RORA: variants seen among roughly 807,000 people sequenced by gnomAD.
The protein encoded by RORA is nuclear receptor ROR-alpha.
In RORA, 7 loss-of-function variants were observed where a neutral mutation model predicts 69.5. The ratio of observed to expected loss-of-function variants is 0.10; its 90% confidence interval spans 0.06 to 0.19. The LOEUF (loss-of-function observed/expected upper bound fraction) is 0.19, where lower values mean the gene tolerates loss of function less well. Among genes scored for constraint, RORA ranks in the 10% least tolerant of loss-of-function variants. The pLI is 1.00. For synonymous variants in RORA, 261 were observed against 240.8 expected (o/e 1.08, Z -0.78); for missense variants, 457 against 663.0 (o/e 0.69, Z 3.41).
At chr15:60,949,209 T>C (rs1014432733) in intron 1 of RORA, among the ~76,000 whole-genome samples, 1 of 152,100 alleles carries the variant, frequency 6.6e-6, no homozygotes, top group African/African-American at 2.4e-5. Flanking sequence ...GCTCACAGCC[T>C]AACGTGTTGA....
intron 1 of RORA, among the ~76,000 whole-genome samples, chr15:60,918,279 A>G (rs1891939497): frequency 6.6e-6 from 1 of 152,240 alleles, no homozygotes; most frequent in South Asian, 2.1e-4. Context: ...CAATGCCTTC[A>G]CTAAAGCCTT....
In RORA at chr15:60,878,109, G is replaced by A. The variant is rs145064329; in HGVS notation, c.167-199423C>T. 4.1e-3 allele frequency among the ~76,000 whole-genome samples: 616 copies of A among 148,926 alleles called. 4 individuals carry two copies. The highest frequency in any genetic ancestry group is 0.015 in the African/African-American group (593 of 40,464). ...TGGGAAGCCGAGGTGGGCGGATCAC[G>A]AGGTCAGGAGATCGATGCCATCCTG... On this transcript the variant is annotated intron_variant, in intron 1 of 10. Transcript: ENST00000335670.
chr15:60,989,664 C>T (rs762120616), intron 1 of RORA, among the ~76,000 whole-genome samples: 27 of 152,204 alleles, frequency 1.8e-4, no homozygotes, highest in Non-Finnish European at 3.1e-4. Flanking sequence ...GTGGTAGAGT[C>T]AGGATTGGAA....
At chr15:61,071,951 A>C (rs1484043842) in intron 1 of RORA, among the ~76,000 whole-genome samples, 1 of 152,070 alleles carries the variant, frequency 6.6e-6, no homozygotes, top group Non-Finnish European at 1.5e-5. Context: ...GAGGATACTC[A>C]AAGACAGGAC....
intron 1 of RORA, among the ~76,000 whole-genome samples, chr15:60,807,858 TA>T (rs1384686552): frequency 1.1e-4 from 16 of 152,190 alleles, no homozygotes; most frequent in African/African-American, 3.6e-4. Flanking sequence ...GGTGCTGGGA[TA>T]ATTGGCAAGC....
intron 2 of RORA, among the ~76,000 whole-genome samples, chr15:60,652,027 T>G (rs2140699216): frequency 6.6e-6 from 1 of 151,968 alleles, no homozygotes; most frequent in Middle Eastern, 3.4e-3. Flanking sequence ...ATCACTCCAC[T>G]CACCAATTCT....
At chr15:60,535,499 G>C (rs2066647784) in intron 2 of RORA, among the ~76,000 whole-genome samples, 1 of 152,130 alleles carries the variant, frequency 6.6e-6, no homozygotes, top group East Asian at 1.9e-4. Context: ...GGAATGCAAG[G>C]GTGCTAATTA....
intron 2 of RORA, among the ~76,000 whole-genome samples, chr15:60,595,799 T>C (rs1406050823): frequency 6.6e-6 from 1 of 152,166 alleles, no homozygotes. Context: ...CAAAGGTTTC[T>C]GTTGACTAAT....
In RORA at chr15:61,028,113, T is replaced by C. The variant is rs79792791; in HGVS notation, c.166+200940A>G. 5.2e-3 allele frequency among the ~76,000 whole-genome samples: 790 copies of C among 152,328 alleles called. 4 individuals are homozygous for C. Among genetic ancestry groups the C allele is most frequent in the African/African-American group, 0.018 (761 of 41,588 alleles). Reference sequence around the variant, plus strand: ...TTCCTCTTCACATCTGACAGTAACCTGGATTTTGACAGCTCTGCTTCTGGC... The same window carrying C: ...TTCCTCTTCACATCTGACAGTAACCCGGATTTTGACAGCTCTGCTTCTGGC... On this transcript the variant is annotated intron_variant, in intron 1 of 10. Transcript: ENST00000335670.
Position 61,061,815 on chromosome 15 carries a change from C to A in RORA, c.166+167238G>T, listed in dbSNP as rs2078190638. Among the ~76,000 whole-genome samples, 1 of 152,134 alleles carries A rather than the reference C, an allele frequency of 6.6e-6. No individual in the cohort carries two copies. Among genetic ancestry groups the A allele is most frequent in the African/African-American group, 2.4e-5 (1 of 41,430 alleles). On this transcript the variant is annotated intron_variant, in intron 1 of 10. Transcript: ENST00000335670. The surrounding 1 kb of genome is among the most constrained non-coding windows in gnomAD (Gnocchi z 4.4). ...CGGTGGTTCACGCCTGTAACCCCAG[C>A]ACTTTGGGAGGCCAAGGCAGGTGGA...
chr15:60,762,081 C>A (rs1019195647), intron 1 of RORA, among the ~76,000 whole-genome samples: 5 of 152,158 alleles, frequency 3.3e-5, no homozygotes, highest in Non-Finnish European at 5.9e-5. Context: ...ACTTTGTCAA[C>A]CAAGTTTTTG....
intron 1 of RORA, among the ~76,000 whole-genome samples, chr15:60,935,507 C>T (rs1351546): frequency 0.44 from 67,585 of 152,054 alleles, 15,616 homozygotes; most frequent in East Asian, 0.68. Context: ...TGATTATCAC[C>T]ACCAAATACA....
intron 1 of RORA, among the ~76,000 whole-genome samples, chr15:60,959,843 G>T (rs1294020058): frequency 6.6e-6 from 1 of 152,096 alleles, no homozygotes; most frequent in Non-Finnish European, 1.5e-5. Context: ...TTGCCATAAA[G>T]GTTTATGGTA....
At chr15:61,073,394 A>G (rs2078397610) in intron 1 of RORA, among the ~76,000 whole-genome samples, 1 of 152,178 alleles carries the variant, frequency 6.6e-6, no homozygotes. Context: ...ACATCTCAAA[A>G]GCTTGCACTC....
chr15:60,914,015 C>T (rs1392505746), intron 1 of RORA, among the ~76,000 whole-genome samples: 1 of 152,162 alleles, frequency 6.6e-6, no homozygotes, highest in African/African-American at 2.4e-5. Flanking sequence ...GGGACCGTGC[C>T]TCTTCACCTC....
At chr15:60,974,783 G>T (rs1171116149) in intron 1 of RORA, among the ~76,000 whole-genome samples, 1 of 152,152 alleles carries the variant, frequency 6.6e-6, no homozygotes, top group East Asian at 1.9e-4. Context: ...CCCAGCGTGG[G>T]GCAAGGGGAC....
At chr15:61,191,422 A>G (rs1032085411) in intron 1 of RORA, among the ~76,000 whole-genome samples, 8 of 151,838 alleles carry the variant, frequency 5.3e-5, no homozygotes, top group Non-Finnish European at 8.8e-5. Context: ...CTAATAGTTG[A>G]GAGTGAAATG....
chr15:60,840,610 C>G (rs1228375265), intron 1 of RORA, among the ~76,000 whole-genome samples: 1 of 152,218 alleles, frequency 6.6e-6, no homozygotes, highest in Non-Finnish European at 1.5e-5. Context: ...TGCTCAGCTG[C>G]CTTTTCCCTC....
intron 1 of RORA, among the ~76,000 whole-genome samples, chr15:60,870,000 C>A (rs919811388): frequency 2.8e-4 from 43 of 152,332 alleles, no homozygotes; most frequent in Admixed American, 1.2e-3. Flanking sequence ...CTTATCTTTT[C>A]TCACTGTGGT....
Sources: gnomAD v4.1 joint callset for allele counts (sites outside exome capture counted in the v4.1 genomes callset) on GRCh38, gnomAD v4.1.1 for gene constraint, Gnocchi (gnomAD v3.1) non-coding constraint, MANE v1.5 for transcripts, NCBI Gene and HGNC (gene_info 2026-07-23, HGNC 2026-07-21) for gene names.